Variants in PLXNA1 observed in about 807,000 individuals in gnomAD.
The protein encoded by PLXNA1 is plexin A1, also known as plexin-A1.
PLXNA1 carries 77 observed loss-of-function variants against 191.7 expected under a neutral mutation model. That is an observed-to-expected ratio of 0.40 (90% CI 0.33 to 0.49). The LOEUF (loss-of-function observed/expected upper bound fraction) is 0.49, where lower values mean the gene tolerates loss of function less well. PLXNA1 is among the 20% of genes least tolerant of loss of function. The pLI is 0.63. For missense variants in PLXNA1, 2,110 were observed against 2,660.2 expected (o/e 0.79, Z 4.55); for synonymous variants, 1,137 against 1,156.4 (o/e 0.98, Z 0.34).
intron 8 of PLXNA1, 134 bp from the exon 9 acceptor site, chr3:127,007,665 C>T: frequency 1.7e-6 from 1 of 583,154 alleles, no homozygotes; most frequent in South Asian, 2.3e-5. Flanking sequence ...ACTTTCCAGG[C>T]CAGGAGCAGT....
chr3:127,035,988 G>C lies in PLXNA1; in HGVS notation c.*1971G>C, dbSNP rs1016917820. The C allele has an allele frequency of 3.9e-5, 6 of 152,844 alleles. No individual in the cohort carries two copies. Among genetic ancestry groups the C allele is most frequent in the Middle Eastern group, 3.4e-3 (1 of 296 alleles). 9.5% of individuals were successfully genotyped at this position (152,844 alleles called of 1,614,324 possible). ...CCAGCCCCTGCCCCCAGCCCACTGA[G>C]GGGGTGGGCTTACTCCCTGGGCAGT... On this transcript the variant is annotated 3_prime_UTR_variant, in exon 32 of 32. Transcript: ENST00000393409.
intron 23 of PLXNA1, among the ~76,000 whole-genome samples, chr3:127,025,444 T>C (rs934048786): frequency 6.6e-6 from 1 of 152,250 alleles, no homozygotes. Context: ...AAATTTGTTA[T>C]GGTGAAATAC....
At chr3:127,005,866 C>T (rs1386681304) in intron 7 of PLXNA1, among the ~76,000 whole-genome samples, 4 of 152,104 alleles carry the variant, frequency 2.6e-5, no homozygotes, top group South Asian at 4.1e-4. Flanking sequence ...GGGAGAGTCT[C>T]GCGGTTCTCA....
At chr3:126,984,237 C>T (rs1014036614) in intron 1 of PLXNA1, among the ~76,000 whole-genome samples, 1 of 152,176 alleles carries the variant, frequency 6.6e-6, no homozygotes, top group Non-Finnish European at 1.5e-5. Flanking sequence ...CCCCGGGCGG[C>T]GATCTGCCCC....
At chr3:127,003,953 G>A (rs1406234899) in intron 4 of PLXNA1, among the ~76,000 whole-genome samples, 2 of 152,216 alleles carry the variant, frequency 1.3e-5, no homozygotes, top group Non-Finnish European at 2.9e-5. Flanking sequence ...ATGGAGTTGA[G>A]TCCCTGGCCT....
chr3:127,009,928 A>G (rs1230110764), intron 9 of PLXNA1, among the ~76,000 whole-genome samples: 1 of 152,202 alleles, frequency 6.6e-6, no homozygotes, highest in African/African-American at 2.4e-5. Context: ...TCTCTTAGAA[A>G]TGCCTGTTTC....
At chr3:127,017,690 G>T in intron 18 of PLXNA1, 26 bp downstream of exon 18, 1 of 1,613,058 alleles carries the variant, frequency 6.2e-7, no homozygotes, top group Non-Finnish European at 8.5e-7. Flanking sequence ...CCGTAGGCTG[G>T]GCCAAGCCAG....
At chr3:127,018,174 C>A in intron 19 of PLXNA1, 120 bp from the exon 20 acceptor site, 1 of 988,978 alleles carries the variant, frequency 1.0e-6, no homozygotes, top group Non-Finnish European at 1.5e-6. Context: ...CACTCTGTGC[C>A]CCTGTCGGTG....
At chr3:127,024,272 T>G (rs2079166719) in intron 23 of PLXNA1, among the ~76,000 whole-genome samples, 1 of 152,100 alleles carries the variant, frequency 6.6e-6, no homozygotes, top group South Asian at 2.1e-4. Flanking sequence ...TTCTCTTTCA[T>G]GCCAGGATAT....
At chr3:127,022,368 G>C (rs1241065377) in intron 22 of PLXNA1, 27 bp downstream of exon 22, 1 of 1,598,668 alleles carries the variant, frequency 6.3e-7, no homozygotes, top group Non-Finnish European at 8.5e-7. Flanking sequence ...CTGGGGTTGG[G>C]GGAGGCAGGC....
chr3:127,015,357 C>A (rs777645788), intron 15 of PLXNA1, 37 bp downstream of exon 15: 2 of 1,581,470 alleles, frequency 1.3e-6, no homozygotes, highest in East Asian at 4.5e-5. Context: ...CCTGGCTGCC[C>A]CTCCTCCTGT....
intron 31 of PLXNA1, among the ~76,000 whole-genome samples, chr3:127,033,202 G>C (rs1211118910): frequency 2.6e-5 from 4 of 152,232 alleles, no homozygotes; most frequent in African/African-American, 9.6e-5. Context: ...GCTCTTGGCA[G>C]AGCTTTCCTT....
intron 21 of PLXNA1, among the ~76,000 whole-genome samples, chr3:127,021,682 TGCTGCAGGCCC>T (rs971493299): frequency 6.6e-6 from 1 of 152,216 alleles, no homozygotes; most frequent in African/African-American, 2.4e-5. Context: ...TCCTTTGAGC[TGCTGCAGGCCC>T]GCTGCAGGGG....
intron 3 of PLXNA1, among the ~76,000 whole-genome samples, chr3:126,995,722 G>A (rs959323886): frequency 9.2e-5 from 14 of 152,238 alleles, no homozygotes; most frequent in African/African-American, 2.4e-5. Flanking sequence ...TTGGCCACCA[G>A]TTTGTGGCCC....
At chr3:127,020,043 G>A (rs1256504748) in intron 20 of PLXNA1, among the ~76,000 whole-genome samples, 159 bp from the exon 21 acceptor site, 1 of 152,222 alleles carries the variant, frequency 6.6e-6, no homozygotes, top group East Asian at 1.9e-4. Flanking sequence ...TGCTAGGGCT[G>A]TAGTAGCTGG....
intron 1 of PLXNA1, among the ~76,000 whole-genome samples, chr3:126,984,460 C>T (rs1020493418): frequency 1.3e-5 from 2 of 152,182 alleles, no homozygotes; most frequent in Non-Finnish European, 2.9e-5. Context: ...AGGAGCTTGC[C>T]TCAGGTCCCC....
intron 5 of PLXNA1, 57 bp downstream of exon 5, chr3:127,004,768 G>C (rs897849620): frequency 8.8e-6 from 14 of 1,587,492 alleles, no homozygotes; most frequent in African/African-American, 2.7e-5. Flanking sequence ...GTCTCACAGT[G>C]GGGGAGGGGG....
At chr3:127,031,408 G>T (rs1300047875) in intron 29 of PLXNA1, among the ~76,000 whole-genome samples, 2 of 152,142 alleles carry the variant, frequency 1.3e-5, no homozygotes, top group Admixed American at 1.3e-4. Flanking sequence ...CACACCTGGG[G>T]TCAGGTGGAT....
intron 29 of PLXNA1, 81 bp downstream of exon 29, chr3:127,030,493 C>A: frequency 1.3e-6 from 2 of 1,530,774 alleles, no homozygotes; most frequent in South Asian, 1.2e-5. Flanking sequence ...TGTTCTGATC[C>A]GGAGCCCCCA....
Sources: allele counts gnomAD v4.1 joint callset (sites outside exome capture counted in the v4.1 genomes callset), GRCh38; gene constraint gnomAD v4.1.1; transcripts MANE v1.5; gene names NCBI Gene and HGNC (gene_info 2026-07-23, HGNC 2026-07-21).